MAGI3: variants seen among roughly 807,000 people sequenced by gnomAD.
MAGI3 encodes the protein membrane associated guanylate kinase, WW and PDZ domain containing 3.
MAGI3 carries 43 observed loss-of-function variants against 121.8 expected under a neutral mutation model. The ratio of observed to expected loss-of-function variants is 0.35; its 90% confidence interval spans 0.28 to 0.46. The LOEUF (loss-of-function observed/expected upper bound fraction) is 0.46. MAGI3 is among the 20% of genes least tolerant of loss of function. The pLI is 1.00. For missense variants in MAGI3, 1,547 were observed against 1,797.3 expected (o/e 0.86, Z 2.52); for synonymous variants, 553 against 639.3 (o/e 0.86, Z 2.04).
intron 6 of MAGI3, among the ~76,000 whole-genome samples, chr1:113,600,311 A>G (rs1263536005): frequency 6.6e-6 from 1 of 152,150 alleles, no homozygotes; most frequent in African/African-American, 2.4e-5. Context: ...ATGATAGTAT[A>G]TCTAGAAAAC....
chr1:113,472,994 C>T (rs1655616404), intron 1 of MAGI3, among the ~76,000 whole-genome samples: 1 of 152,128 alleles, frequency 6.6e-6, no homozygotes, highest in Non-Finnish European at 1.5e-5. Flanking sequence ...GATTTACACA[C>T]CACTATTACG....
At chr1:113,682,110 A>G (rs1648254252) in intron 20 of MAGI3, 1 of 1,292,962 alleles carries the variant, frequency 7.7e-7, no homozygotes, top group Non-Finnish European at 1.1e-6. Flanking sequence ...ATCTTCCACC[A>G]TCTGCTTGTA....
At chr1:113,488,951 C>T (rs916447425) in intron 1 of MAGI3, among the ~76,000 whole-genome samples, 3 of 152,100 alleles carry the variant, frequency 2.0e-5, no homozygotes, top group African/African-American at 7.2e-5. Flanking sequence ...AGCAGGGGCC[C>T]CCTGCGCCCT....
chr1:113,408,070 G>A (rs1651783435), intron 1 of MAGI3, among the ~76,000 whole-genome samples: 1 of 152,112 alleles, frequency 6.6e-6, no homozygotes, highest in African/African-American at 2.4e-5. Context: ...ATTAGCAAAT[G>A]TGCCTTGCAT....
At chr1:113,455,015 C>T (rs1009461239) in intron 1 of MAGI3, among the ~76,000 whole-genome samples, 1 of 151,754 alleles carries the variant, frequency 6.6e-6, no homozygotes, top group East Asian at 1.9e-4. Flanking sequence ...AATGTGTGGT[C>T]CAGAATAGAT....
At chr1:113,543,536 T>G (rs1350630646) in intron 1 of MAGI3, among the ~76,000 whole-genome samples, 1 of 152,168 alleles carries the variant, frequency 6.6e-6, no homozygotes. Flanking sequence ...ATTTCATGTA[T>G]TCAAGGATGG....
intron 1 of MAGI3, among the ~76,000 whole-genome samples, chr1:113,517,063 A>G (rs537491785): frequency 6.6e-6 from 1 of 152,140 alleles, no homozygotes; most frequent in Non-Finnish European, 1.5e-5. Context: ...AGGGAAGCCT[A>G]AGGAAATATG....
chr1:113,449,230 G>A (rs1354495108), intron 1 of MAGI3, among the ~76,000 whole-genome samples: 1 of 152,086 alleles, frequency 6.6e-6, no homozygotes, highest in East Asian at 1.9e-4. Context: ...TAGATAAGAA[G>A]TTGCTGATCG....
At chr1:113,439,172 A>T (rs927222861) in intron 1 of MAGI3, among the ~76,000 whole-genome samples, 1 of 152,244 alleles carries the variant, frequency 6.6e-6, no homozygotes, top group African/African-American at 2.4e-5. Context: ...AGACAAAGGG[A>T]TAATTCACAT....
chr1:113,595,272 C>T (rs901609873), intron 6 of MAGI3, among the ~76,000 whole-genome samples: 1 of 152,050 alleles, frequency 6.6e-6, no homozygotes, highest in Non-Finnish European at 1.5e-5. Context: ...TACTGCACTC[C>T]AGCCTGGGCA....
intron 2 of MAGI3, among the ~76,000 whole-genome samples, chr1:113,552,866 C>CT (rs1659841348): frequency 6.6e-6 from 1 of 152,196 alleles, no homozygotes; most frequent in African/African-American, 2.4e-5. Flanking sequence ...AAATATCATA[C>CT]TTTCCTAAAA....
chr1:113,521,761 A>G (rs542212274), intron 1 of MAGI3, among the ~76,000 whole-genome samples: 3 of 152,308 alleles, frequency 2.0e-5, no homozygotes, highest in South Asian at 2.1e-4. Flanking sequence ...TTTGAATTTT[A>G]TATAAAGCTT....
chr1:113,496,368 T>C (rs1656917303), intron 1 of MAGI3, among the ~76,000 whole-genome samples: 1 of 152,190 alleles, frequency 6.6e-6, no homozygotes, highest in Non-Finnish European at 1.5e-5. Flanking sequence ...GAATTAAGAA[T>C]TGGGAATGCC....
chr1:113,536,577 G>A (rs1430367161), intron 1 of MAGI3, among the ~76,000 whole-genome samples: 1 of 151,826 alleles, frequency 6.6e-6, no homozygotes, highest in Non-Finnish European at 1.5e-5. Context: ...CAGCAGGGAG[G>A]TAATACGTCA....
At chr1:113,400,444 A>C (rs1308970828) in intron 1 of MAGI3, among the ~76,000 whole-genome samples, 1 of 152,144 alleles carries the variant, frequency 6.6e-6, no homozygotes, top group East Asian at 1.9e-4. Context: ...TGTACATAAA[A>C]ATGAACATTC....
intron 1 of MAGI3, among the ~76,000 whole-genome samples, chr1:113,441,480 G>A (rs1332108760): frequency 6.6e-6 from 1 of 152,160 alleles, no homozygotes; most frequent in Non-Finnish European, 1.5e-5. Context: ...TTTGGGTTGT[G>A]TACTATTATT....
intron 1 of MAGI3, among the ~76,000 whole-genome samples, chr1:113,487,712 A>G (rs560863724): frequency 9.9e-5 from 15 of 152,062 alleles, no homozygotes; most frequent in Middle Eastern, 3.4e-3. Context: ...AATGTCATCT[A>G]TAGCCACCTC....
chr1:113,461,396 A>G (rs563640648), intron 1 of MAGI3, among the ~76,000 whole-genome samples: 62 of 152,310 alleles, frequency 4.1e-4, no homozygotes, highest in Non-Finnish European at 4.3e-4. Flanking sequence ...ACATAGACCA[A>G]TGGAACAGAA....
chr1:113,456,535 A>G (rs1214044032), intron 1 of MAGI3, among the ~76,000 whole-genome samples: 1 of 152,228 alleles, frequency 6.6e-6, no homozygotes, highest in African/African-American at 2.4e-5. Context: ...TCAATATAAA[A>G]TTCTAGCAAA....
Sources: gnomAD v4.1 joint callset for allele counts (sites outside exome capture counted in the v4.1 genomes callset) on GRCh38, gnomAD v4.1.1 for gene constraint, MANE v1.5 for transcripts, NCBI Gene and HGNC (gene_info 2026-07-23, HGNC 2026-07-21) for gene names.